Variants in SORL1 observed in about 807,000 individuals in gnomAD.
The protein encoded by SORL1 is sortilin related receptor 1.
SORL1 carries 127 observed loss-of-function variants against 273.7 expected under a neutral mutation model. The observed-to-expected ratio is 0.46, with a 90% CI of 0.40 to 0.54. The LOEUF is 0.54. SORL1 is among the 20% of genes least tolerant of loss of function. The pLI, the probability that SORL1 is intolerant of heterozygous loss-of-function variation, is 0.00. For missense variants in SORL1, 2,494 were observed against 2,846.1 expected (o/e 0.88, Z 2.81); for synonymous variants, 1,031 against 1,067.4 (o/e 0.97, Z 0.66).
chr11:121,516,331 G>A (rs961349104), intron 8 of SORL1, among the ~76,000 whole-genome samples: 1 of 152,222 alleles, frequency 6.6e-6, no homozygotes, highest in Non-Finnish European at 1.5e-5. Flanking sequence ...GAGCCAATGG[G>A]ATTTGTTGAT....
rs1863696522 is a variant in SORL1 at position 121,619,844 on chromosome 11, A to G, written c.5816A>G (p.His1939Arg). The part of the protein sequence containing the change: ...PDSRLPPRHL[H>R]VVHTGKTSVV... ...AGCAGGCTTCCACCCCGTCACCTGC[A>G]TGTGGTTCATACGGGCAAAACCTCC... The change falls in exon 43 of 48, where the codon CAT becomes CGT. Residue 1939 changes from histidine to arginine, a missense_variant. Transcript: ENST00000260197. 3 of 1,614,050 alleles carry G rather than the reference A, an allele frequency of 1.9e-6. No individual in the cohort carries two copies. The highest frequency in any genetic ancestry group is 2.5e-6 in the Non-Finnish European group (3 of 1,179,898).
intron 3 of SORL1, among the ~76,000 whole-genome samples, chr11:121,481,047 C>T (rs1459844922): frequency 5.4e-5 from 6 of 110,614 alleles, no homozygotes; most frequent in Non-Finnish European, 5.6e-5. Context: ...CCCAGCTCCT[C>T]CCCTAGTGCA....
At chr11:121,484,384 A>G (rs978059376) in intron 3 of SORL1, among the ~76,000 whole-genome samples, 1 of 152,182 alleles carries the variant, frequency 6.6e-6, no homozygotes, top group Non-Finnish European at 1.5e-5. Context: ...CAGTTTGTTT[A>G]GTCTCTAGTG....
At chr11:121,574,175 G>A in intron 23 of SORL1, 66 bp from the exon 24 acceptor site, 1 of 1,499,670 alleles carries the variant, frequency 6.7e-7, no homozygotes, top group Non-Finnish European at 9.2e-7. Flanking sequence ...TTTTCCAGTA[G>A]GATGTTTACA....
At chr11:121,501,879 A>G (rs1861713610) in intron 6 of SORL1, among the ~76,000 whole-genome samples, 1 of 152,138 alleles carries the variant, frequency 6.6e-6, no homozygotes, top group African/African-American at 2.4e-5. Flanking sequence ...AATGTTTTCA[A>G]GTTTCATTTA....
At chr11:121,590,383 G>T in intron 30 of SORL1, 1 of 547,334 alleles carries the variant, frequency 1.8e-6, no homozygotes, top group Non-Finnish European at 3.2e-6. Flanking sequence ...TTCCGTATTT[G>T]CAGGGCAGAG....
intron 14 of SORL1, among the ~76,000 whole-genome samples, chr11:121,546,023 G>A (rs551002898): frequency 6.6e-6 from 1 of 152,246 alleles, no homozygotes; most frequent in Non-Finnish European, 1.5e-5. Context: ...GTTGGAGAAT[G>A]AGGAGATTTT....
intron 32 of SORL1, among the ~76,000 whole-genome samples, chr11:121,603,130 TTAATC>T (rs2134919807): frequency 6.6e-6 from 1 of 152,364 alleles, no homozygotes; most frequent in African/African-American, 2.4e-5. Flanking sequence ...CTATGGGTCC[TTAATC>T]TAATCACACC....
At chr11:121,570,911 G>T (rs1357776061) in intron 23 of SORL1, among the ~76,000 whole-genome samples, 1 of 152,196 alleles carries the variant, frequency 6.6e-6, no homozygotes, top group African/African-American at 2.4e-5. Context: ...TATTAACCAT[G>T]AATTTTCACT....
chr11:121,474,557 G>A (rs2134787923), intron 2 of SORL1, among the ~76,000 whole-genome samples: 1 of 152,274 alleles, frequency 6.6e-6, no homozygotes, highest in Non-Finnish European at 1.5e-5. Flanking sequence ...AGGTAAAAAA[G>A]GATCTAACCA....
Position 121,577,206 on chromosome 11 carries a change from G to A in SORL1, c.3461-75G>A, listed in dbSNP as rs375183448. Reference sequence around the variant, plus strand: ...TCACGGGTCCATCTCCATCCTTTATGAGAGCTTTGACACCAGAGACAAAAT... The same window carrying A: ...TCACGGGTCCATCTCCATCCTTTATAAGAGCTTTGACACCAGAGACAAAAT... On this transcript the variant is annotated intron_variant, in intron 24 of 47. Coordinates refer to ENST00000260197, the MANE Select transcript of SORL1 (RefSeq NM_003105.6). 46 of 1,521,350 alleles carry A rather than the reference G, an allele frequency of 3.0e-5. No individual in the cohort carries two copies. The African/African-American group carries it at 6.1e-4, about 20-fold the overall frequency. 94.2% of individuals were successfully genotyped at this position (1,521,350 alleles called of 1,614,324 possible). A position where few individuals can be genotyped will look rare whatever the true frequency, so the allele number is the denominator to read the frequency against.
At chr11:121,599,695 A>C (rs971391949) in intron 32 of SORL1, among the ~76,000 whole-genome samples, 1 of 151,294 alleles carries the variant, frequency 6.6e-6, no homozygotes, top group African/African-American at 2.4e-5. Flanking sequence ...AGTTAATGCA[A>C]GTTTGCACAA....
intron 7 of SORL1, 39 bp downstream of exon 7, chr11:121,513,143 T>C (rs1861902952): frequency 7.0e-7 from 1 of 1,434,134 alleles, no homozygotes. Flanking sequence ...GAAGTATCAT[T>C]GTCTTTATGC....
At chr11:121,577,472 A>G in intron 25 of SORL1, 72 bp downstream of exon 25, 1 of 1,416,710 alleles carries the variant, frequency 7.1e-7, no homozygotes, top group Non-Finnish European at 9.3e-7. Flanking sequence ...GCTTTAAACG[A>G]TCGGAAAATC....
Position 121,577,417 on chromosome 11 carries a change from C to T in SORL1, c.3580+17C>T. On this transcript the variant is annotated intron_variant, in intron 25 of 47. Coordinates refer to ENST00000260197, the MANE Select transcript of SORL1 (RefSeq NM_003105.6). ...ACTGTACCGGTCAGTACTTCCTGGA[C>T]TCAGTTGACAGCACTCATCCGTTCA... 2 of 1,572,888 alleles carry T rather than the reference C, an allele frequency of 1.3e-6. No individual in the cohort carries two copies. The highest frequency in any genetic ancestry group is 2.3e-5 in the East Asian group (1 of 44,368).
In SORL1 at chr11:121,549,599, G is replaced by A. The variant is rs568597538; in HGVS notation, c.2052-361G>A. On this transcript the variant is annotated intron_variant, in intron 14 of 47. Coordinates refer to ENST00000260197, the MANE Select transcript of SORL1 (RefSeq NM_003105.6). The stretch of plus-strand genomic sequence containing the variant: ...TTCTTCAGATTCTGTCAAAAAGAAC[G>A]TCTCATTGGTTGCTAGTAACTGTAA... 1.7e-4 allele frequency among the ~76,000 whole-genome samples: 26 copies of A among 152,214 alleles called. No individual in the cohort carries two copies. In the East Asian group the frequency reaches 4.2e-3, roughly 25 times the overall value.
chr11:121,586,222 A>G lies in SORL1; in HGVS notation c.3707A>G (p.Glu1236Gly). ...TCTGTGTTGTTGAATTCTATTTCAG[A>G]GAAGAAGTGCAATGGATTCCGCTGC... ...DGSDEDPVNC[E>G]KKCNGFRCPN... Residue 1236 changes from glutamate (E) to glycine (G), a missense_variant and splice_region_variant, in exon 27 of 48, where the codon GAG becomes GGG. Physicochemically the swap from Glu to Gly is moderately conservative, Grantham distance 98. This residue lies in a region of SORL1 where 1,609 missense variants were observed against 1,816.4 expected (regional missense o/e 0.89). Transcript: ENST00000260197. 2 of 1,609,316 alleles carry G rather than the reference A, an allele frequency of 1.2e-6. No homozygotes were observed. The highest frequency in any genetic ancestry group is 4.5e-5 in the East Asian group (2 of 44,874).
At chr11:121,497,125 T>C in intron 6 of SORL1, 76 bp downstream of exon 6, 1 of 1,228,478 alleles carries the variant, frequency 8.1e-7, no homozygotes, top group Non-Finnish European at 1.2e-6. Flanking sequence ...ATTAAACAGG[T>C]GAGTTTGCAT....
intron 11 of SORL1, among the ~76,000 whole-genome samples, chr11:121,523,309 T>C (rs773161730): frequency 6.6e-6 from 1 of 152,166 alleles, no homozygotes; most frequent in Non-Finnish European, 1.5e-5. Flanking sequence ...GAGTGGGGGC[T>C]CAGGGCATAT....
Sources: allele counts gnomAD v4.1 joint callset (sites outside exome capture counted in the v4.1 genomes callset), GRCh38; gene constraint gnomAD v4.1.1; regional missense constraint gnomAD v4.1.1; transcripts MANE v1.5; gene names NCBI Gene and HGNC (gene_info 2026-07-23, HGNC 2026-07-21).